ARHGAP10: variants seen among roughly 807,000 people sequenced by gnomAD.
The protein encoded by ARHGAP10 is Rho GTPase activating protein 10.
In ARHGAP10, 87 loss-of-function variants were observed where a neutral mutation model predicts 108.6. The ratio of observed to expected loss-of-function variants is 0.80; its 90% CI spans 0.67 to 0.96. The LOEUF (loss-of-function observed/expected upper bound fraction) is 0.96, where lower values mean the gene tolerates loss of function less well. Among genes scored for constraint, ARHGAP10 ranks in the 40% least tolerant of loss-of-function variants. The pLI is 0.00. For missense variants in ARHGAP10, 939 were observed against 954.5 expected (o/e 0.98, Z 0.21); for synonymous variants, 347 against 341.1 (o/e 1.02, Z -0.19).
chr4:147,838,943 T>C (rs1331003375), intron 3 of ARHGAP10, among the ~76,000 whole-genome samples: 1 of 152,212 alleles, frequency 6.6e-6, no homozygotes, highest in Non-Finnish European at 1.5e-5. Context: ...AGGGCTATTT[T>C]AGGCTAAGAT....
At chr4:147,873,888 A>AT (rs201241757) in intron 7 of ARHGAP10, among the ~76,000 whole-genome samples, 2 of 148,292 alleles carry the variant, frequency 1.3e-5, no homozygotes, top group Non-Finnish European at 1.5e-5. Flanking sequence ...AAAAAAAAAA[A>AT]AGGGGGGATA....
intron 19 of ARHGAP10, among the ~76,000 whole-genome samples, chr4:148,034,660 T>C (rs1728295984): frequency 2.0e-5 from 3 of 152,204 alleles, no homozygotes; most frequent in African/African-American, 7.2e-5. Context: ...ACTTTCCTTC[T>C]TCTTAGATGA....
chr4:147,933,781 C>T (rs1343505847), intron 13 of ARHGAP10, among the ~76,000 whole-genome samples: 1 of 152,144 alleles, frequency 6.6e-6, no homozygotes, highest in Non-Finnish European at 1.5e-5. Flanking sequence ...CTGACTATAG[C>T]AGAATGGGCT....
At chr4:147,800,715 T>A (rs186107434) in intron 1 of ARHGAP10, among the ~76,000 whole-genome samples, 35 of 152,350 alleles carry the variant, frequency 2.3e-4, no homozygotes, top group African/African-American at 4.3e-4. Context: ...CTCCTTTGGT[T>A]ATCTCCTCTG....
At chr4:147,795,544 C>G (rs139195773) in intron 1 of ARHGAP10, among the ~76,000 whole-genome samples, 12 of 152,208 alleles carry the variant, frequency 7.9e-5, no homozygotes, top group Non-Finnish European at 1.5e-4. Context: ...TTTACAAACG[C>G]AACTTCTGGA....
chr4:147,872,576 T>A (rs1228978089), intron 7 of ARHGAP10, among the ~76,000 whole-genome samples: 1 of 152,232 alleles, frequency 6.6e-6, no homozygotes, highest in Non-Finnish European at 1.5e-5. Context: ...TTCCCCCAAA[T>A]TTGACTACTA....
Position 147,879,642 on chromosome 4 carries a change from C to G in ARHGAP10, c.939+304C>G, listed in dbSNP as rs958376540. ...CATGTGTCATGGTGATTTGCTGCAC[C>G]CATCAACCCATCATCTACATTAGAT... On this transcript the variant is annotated intron_variant, in intron 9 of 22. Transcript: ENST00000336498. 2.0e-5 allele frequency among the ~76,000 whole-genome samples: 3 copies of G among 151,838 alleles called. No individual in the cohort carries two copies. The East Asian group carries it at 5.8e-4, about 29-fold the overall frequency.
chr4:147,735,598 A>T (rs547982578), intron 1 of ARHGAP10, among the ~76,000 whole-genome samples: 1 of 152,330 alleles, frequency 6.6e-6, no homozygotes, highest in South Asian at 2.1e-4. Context: ...TGTGGACTTT[A>T]TCTTGTGGAG....
intron 14 of ARHGAP10, among the ~76,000 whole-genome samples, chr4:147,944,856 C>G (rs1364910906): frequency 6.6e-6 from 1 of 152,100 alleles, no homozygotes; most frequent in African/African-American, 2.4e-5. Context: ...TTTCCTGCCT[C>G]CTCCCTTTGG....
chr4:147,754,342 T>G (rs1729283524), intron 1 of ARHGAP10, among the ~76,000 whole-genome samples: 1 of 152,234 alleles, frequency 6.6e-6, no homozygotes, highest in East Asian at 1.9e-4. Flanking sequence ...AAATTCCTGC[T>G]GAGTACTTTG....
intron 20 of ARHGAP10, among the ~76,000 whole-genome samples, chr4:148,055,376 C>T (rs1182711785): frequency 1.3e-5 from 2 of 152,116 alleles, no homozygotes; most frequent in Non-Finnish European, 2.9e-5. Flanking sequence ...TCTCCCTGAC[C>T]GCCTACCTCC....
chr4:148,063,766 C>T (rs928506203), intron 21 of ARHGAP10, among the ~76,000 whole-genome samples: 2 of 152,224 alleles, frequency 1.3e-5, no homozygotes, highest in Non-Finnish European at 2.9e-5. Flanking sequence ...GCTTCCCCCA[C>T]ACCAGTGAGG....
At chr4:147,981,910 T>A (rs2149627697) in intron 18 of ARHGAP10, among the ~76,000 whole-genome samples, 1 of 152,344 alleles carries the variant, frequency 6.6e-6, no homozygotes, top group Non-Finnish European at 1.5e-5. Context: ...TCCATTTGTG[T>A]GGTAGATTTT....
At chr4:148,053,109 A>G (rs754766491) in intron 20 of ARHGAP10, among the ~76,000 whole-genome samples, 1 of 152,210 alleles carries the variant, frequency 6.6e-6, no homozygotes, top group Non-Finnish European at 1.5e-5. Flanking sequence ...TGCGGTAGAT[A>G]TATCTTCATT....
chr4:147,855,748 G>A (rs1481774289), intron 4 of ARHGAP10, among the ~76,000 whole-genome samples: 4 of 151,200 alleles, frequency 2.6e-5, no homozygotes, highest in African/African-American at 9.8e-5. Context: ...GTAGAAAAGG[G>A]AAGAAACCTC....
chr4:147,751,065 T>C (rs899447810), intron 1 of ARHGAP10, among the ~76,000 whole-genome samples: 2 of 151,614 alleles, frequency 1.3e-5, no homozygotes, highest in South Asian at 2.1e-4. Flanking sequence ...TATAGTCCCA[T>C]CTACGTGGGA....
At chr4:147,786,725 A>G (rs1730907528) in intron 1 of ARHGAP10, among the ~76,000 whole-genome samples, 1 of 152,224 alleles carries the variant, frequency 6.6e-6, no homozygotes, top group South Asian at 2.1e-4. Context: ...AATTTATTCA[A>G]CAGTGATTAC....
At chr4:147,828,226 C>T (rs1732804562) in intron 3 of ARHGAP10, among the ~76,000 whole-genome samples, 1 of 152,182 alleles carries the variant, frequency 6.6e-6, no homozygotes, top group Non-Finnish European at 1.5e-5. Flanking sequence ...GTTAAAACTA[C>T]ATATGTCTAT....
At chr4:147,746,765 T>C (rs1306223595) in intron 1 of ARHGAP10, among the ~76,000 whole-genome samples, 1 of 152,192 alleles carries the variant, frequency 6.6e-6, no homozygotes, top group East Asian at 1.9e-4. Flanking sequence ...TTTCACCTGT[T>C]TCATGACAGA....
Sources: allele counts gnomAD v4.1 joint callset (sites outside exome capture counted in the v4.1 genomes callset), GRCh38; gene constraint gnomAD v4.1.1; transcripts MANE v1.5; gene names NCBI Gene and HGNC (gene_info 2026-07-23, HGNC 2026-07-21).